ZMIZ1: variants seen among roughly 807,000 people sequenced by gnomAD.
ZMIZ1 encodes the protein zinc finger MIZ domain-containing protein 1.
In ZMIZ1, 17 loss-of-function variants were observed where a neutral mutation model predicts 113.9. The observed-to-expected ratio is 0.15, with a 90% CI of 0.10 to 0.22. The LOEUF (loss-of-function observed/expected upper bound fraction) is 0.22, where lower values mean the gene tolerates loss of function less well. ZMIZ1 is among the 10% of genes least tolerant of loss of function. The pLI, the probability that ZMIZ1 is intolerant of heterozygous loss-of-function variation, is 1.00. For synonymous variants in ZMIZ1, 607 were observed against 603.1 expected, an observed-to-expected ratio of 1.01 and a Z score of -0.09; for missense variants, 1,059 against 1,477.8, an observed-to-expected ratio of 0.72 and a Z score of 4.65.
At chr10:79,280,835 G>A (rs1311908004) in intron 8 of ZMIZ1, among the ~76,000 whole-genome samples, 1 of 152,128 alleles carries the variant, frequency 6.6e-6, no homozygotes, top group Non-Finnish European at 1.5e-5. Flanking sequence ...TTTGCTAAAA[G>A]CCACAGTTTG....
At chr10:79,207,252 G>T (rs1420818170) in intron 5 of ZMIZ1, among the ~76,000 whole-genome samples, 1 of 152,198 alleles carries the variant, frequency 6.6e-6, no homozygotes, top group Non-Finnish European at 1.5e-5. Flanking sequence ...AAGGCAATGG[G>T]ACCTCAGGAG....
intron 2 of ZMIZ1, among the ~76,000 whole-genome samples, chr10:79,131,845 G>GACAGGA (rs1554854609): frequency 2.0e-5 from 3 of 151,538 alleles, no homozygotes; most frequent in South Asian, 2.1e-4. Flanking sequence ...TTTGGCCAAA[G>GACAGGA]GCACAACTTA....
In ZMIZ1 at chr10:79,111,171, A is replaced by G. The variant is rs368412133; in HGVS notation, c.-336-7744A>G. Among the ~76,000 whole-genome samples the G allele has an allele frequency of 2.6e-5, 4 of 152,206 alleles. No homozygotes were observed. The East Asian group carries it at 5.8e-4, about 22-fold the overall frequency. On this transcript the variant is annotated intron_variant, in intron 1 of 24. Coordinates refer to ENST00000334512, the MANE Select transcript of ZMIZ1 (RefSeq NM_020338.4). ...CTGTTAGGGTCCAGTAGAGGATGCA[A>G]TGTCCCCATCCTAGCAGGGGCTTTA...
intron 19 of ZMIZ1, 102 bp from the exon 20 acceptor site, chr10:79,305,062 A>T: frequency 1.5e-6 from 2 of 1,343,444 alleles, no homozygotes; most frequent in Admixed American, 3.5e-5. Context: ...CCCACAGCCT[A>T]TCTTTCTCTC....
intron 7 of ZMIZ1, among the ~76,000 whole-genome samples, chr10:79,240,638 C>CTTTTTGTTTTTTTTTTTTTTTTTTTT (rs1849784438): frequency 1.8e-5 from 1 of 55,312 alleles, no homozygotes; most frequent in African/African-American, 8.3e-5. Flanking sequence ...GAGTATTTAT[C>CTTTTTGTTTTTTTTTTTTTTTTTTTT]TTTTTTTTTT....
chr10:79,161,195 T>G (rs569568419), intron 3 of ZMIZ1, among the ~76,000 whole-genome samples: 1 of 152,324 alleles, frequency 6.6e-6, no homozygotes, highest in African/African-American at 2.4e-5. Flanking sequence ...CGAGCACCAC[T>G]GTCTCTGGTC....
chr10:79,309,515 C>G (rs1489418600), intron 23 of ZMIZ1, among the ~76,000 whole-genome samples: 1 of 152,190 alleles, frequency 6.6e-6, no homozygotes, highest in African/African-American at 2.4e-5. Context: ...CCAGCAGCAC[C>G]GTTGCGAGGT....
At chr10:79,126,181 G>A (rs549080775) in intron 2 of ZMIZ1, among the ~76,000 whole-genome samples, 2 of 152,344 alleles carry the variant, frequency 1.3e-5, no homozygotes, top group South Asian at 4.1e-4. Context: ...AGTGAGGCCG[G>A]GATTTGTAGG....
At chr10:79,304,802 C>G (rs926012233) in intron 19 of ZMIZ1, among the ~76,000 whole-genome samples, 1 of 152,184 alleles carries the variant, frequency 6.6e-6, no homozygotes, top group Non-Finnish European at 1.5e-5. Context: ...TGAACTTGAT[C>G]AGACTTGTCT....
chr10:79,307,365 C>T (rs1485092081), intron 22 of ZMIZ1, 40 bp from the exon 23 acceptor site: 2 of 1,598,982 alleles, frequency 1.3e-6, no homozygotes, highest in South Asian at 2.2e-5. Flanking sequence ...CACTATCCCT[C>T]TGGGTGACCC....
At chr10:79,293,956 C>G in intron 12 of ZMIZ1, 2 of 507,486 alleles carry the variant, frequency 3.9e-6, no homozygotes, top group Non-Finnish European at 7.2e-6. Flanking sequence ...GTTCCTCTTA[C>G]TGTAGTGACT....
At chr10:79,149,629 G>C (rs1451870639) in intron 3 of ZMIZ1, among the ~76,000 whole-genome samples, 2 of 152,202 alleles carry the variant, frequency 1.3e-5, no homozygotes, top group Admixed American at 6.5e-5. Flanking sequence ...CTTTCTCTAG[G>C]CGCTGTGCCT....
chr10:79,177,529 A>G (rs1846924794), intron 4 of ZMIZ1, among the ~76,000 whole-genome samples: 1 of 152,202 alleles, frequency 6.6e-6, no homozygotes, highest in South Asian at 2.1e-4. Context: ...AGCAGAGCAC[A>G]GAGAGGCATA....
chr10:79,289,744 C>T (rs747903582), intron 8 of ZMIZ1, 31 bp from the exon 9 acceptor site: 1 of 1,598,480 alleles, frequency 6.3e-7, no homozygotes, highest in South Asian at 1.1e-5. Flanking sequence ...CCTGCCAGGC[C>T]CTGAAGATCT....
intron 4 of ZMIZ1, among the ~76,000 whole-genome samples, chr10:79,199,445 A>G (rs1463148628): frequency 1.3e-5 from 2 of 151,786 alleles, no homozygotes; most frequent in African/African-American, 4.8e-5. Flanking sequence ...GGCAGAGGTT[A>G]CAGTGAGCCA....
At chr10:79,265,454 CT>C (rs1427178808) in intron 7 of ZMIZ1, among the ~76,000 whole-genome samples, 1 of 145,622 alleles carries the variant, frequency 6.9e-6, no homozygotes, top group African/African-American at 2.6e-5. Context: ...CAGACAACTC[CT>C]TTTTTTTCTT....
At chr10:79,239,423 C>T (rs554803990) in intron 7 of ZMIZ1, among the ~76,000 whole-genome samples, 3 of 152,214 alleles carry the variant, frequency 2.0e-5, no homozygotes, top group Non-Finnish European at 2.9e-5. Context: ...GTCACTCTCA[C>T]GTGGACACGT....
intron 8 of ZMIZ1, among the ~76,000 whole-genome samples, chr10:79,282,036 G>A (rs11002908): frequency 0.32 from 48,208 of 152,102 alleles, 8,106 homozygotes; most frequent in East Asian, 0.45. Context: ...AGGCTATTCT[G>A]AGGACACGTT....
intron 3 of ZMIZ1, among the ~76,000 whole-genome samples, chr10:79,148,487 G>C (rs1472421013): frequency 6.6e-6 from 1 of 152,228 alleles, no homozygotes; most frequent in Non-Finnish European, 1.5e-5. Context: ...TTGTGATGAG[G>C]TCTAGGGTAT....
Sources: gnomAD v4.1 joint callset for allele counts (sites outside exome capture counted in the v4.1 genomes callset) on GRCh38, gnomAD v4.1.1 for gene constraint, MANE v1.5 for transcripts, NCBI Gene and HGNC (gene_info 2026-07-23, HGNC 2026-07-21) for gene names.